PCED1B: variants seen among roughly 807,000 people sequenced by gnomAD.
PCED1B encodes the protein PC-esterase domain-containing protein 1B.
For missense variants in PCED1B, 573 were observed against 573.9 expected (o/e 1.00, Z 0.02); for synonymous variants, 251 against 246.1 (o/e 1.02, Z -0.19).
intron 2 of PCED1B, among the ~76,000 whole-genome samples, chr12:47,119,822 AGGCATGGT>A (rs1319795402): frequency 6.6e-6 from 1 of 151,704 alleles, no homozygotes; most frequent in Non-Finnish European, 1.5e-5. Flanking sequence ...AAAATTAGCC[AGGCATGGT>A]GGCAGGTGCC....
At chr12:47,144,945 A>G (rs1426917502) in intron 2 of PCED1B, among the ~76,000 whole-genome samples, 1 of 152,242 alleles carries the variant, frequency 6.6e-6, no homozygotes, top group African/African-American at 2.4e-5. Context: ...ACTTCAAAAC[A>G]AAAGCTAGGA....
chr12:47,188,381 ATCT>A (rs1366478086), intron 2 of PCED1B, among the ~76,000 whole-genome samples: 1 of 152,156 alleles, frequency 6.6e-6, no homozygotes, highest in Non-Finnish European at 1.5e-5. Flanking sequence ...TTAGCTGCAA[ATCT>A]TCCTGGCCTA....
intron 1 of PCED1B, among the ~76,000 whole-genome samples, chr12:47,080,991 A>T (rs550550687): frequency 6.6e-6 from 1 of 152,314 alleles, no homozygotes; most frequent in East Asian, 1.9e-4. Flanking sequence ...GCTTTGGTTC[A>T]GCAAGCACAG....
chr12:47,214,006 C>G (rs1014195269), intron 2 of PCED1B, among the ~76,000 whole-genome samples: 2 of 152,152 alleles, frequency 1.3e-5, no homozygotes, highest in Admixed American at 1.3e-4. Context: ...ATCTACAGAA[C>G]TAGAAAGATT....
chr12:47,148,935 G>A (rs1260698266), intron 2 of PCED1B, among the ~76,000 whole-genome samples: 2 of 152,104 alleles, frequency 1.3e-5, no homozygotes, highest in African/African-American at 4.8e-5. Context: ...AGCACCTTCT[G>A]TCCCGTTTTT....
At chr12:47,094,847 C>A (rs1476224750) in intron 1 of PCED1B, among the ~76,000 whole-genome samples, 1 of 151,640 alleles carries the variant, frequency 6.6e-6, no homozygotes, top group Non-Finnish European at 1.5e-5. Context: ...TTATTCCTTC[C>A]TTCATTTCCA....
At chr12:47,211,026 T>C (rs927632128) in intron 2 of PCED1B, among the ~76,000 whole-genome samples, 4 of 152,188 alleles carry the variant, frequency 2.6e-5, no homozygotes, top group African/African-American at 9.7e-5. Flanking sequence ...TAAAAGAATA[T>C]GACTAGAAGC....
chr12:47,195,322 C>T (rs1357606607), intron 2 of PCED1B, among the ~76,000 whole-genome samples: 1 of 122,044 alleles, frequency 8.2e-6, no homozygotes, highest in African/African-American at 3.2e-5. Flanking sequence ...GAGCGAGTCT[C>T]TGTCTCAAAA....
chr12:47,226,556 G>T (rs905323742), intron 3 of PCED1B, among the ~76,000 whole-genome samples: 10 of 152,222 alleles, frequency 6.6e-5, no homozygotes, highest in African/African-American at 2.2e-4. Flanking sequence ...TATATTTTTG[G>T]TAGACACGGG....
intron 2 of PCED1B, among the ~76,000 whole-genome samples, chr12:47,131,670 C>A (rs900685619): frequency 8.7e-6 from 1 of 115,330 alleles, no homozygotes; most frequent in South Asian, 2.6e-4. Context: ...TCATGTTTTA[C>A]TTCTTTTTTT....
chr12:47,219,035 G>A (rs1336543214), intron 3 of PCED1B, among the ~76,000 whole-genome samples: 2 of 152,034 alleles, frequency 1.3e-5, no homozygotes, highest in African/African-American at 4.8e-5. Context: ...CAGCTATTCC[G>A]GAGACTGAGG....
intron 2 of PCED1B, among the ~76,000 whole-genome samples, chr12:47,152,175 TAG>T (rs1941017812): frequency 6.6e-6 from 1 of 152,144 alleles, no homozygotes; most frequent in Non-Finnish European, 1.5e-5. Flanking sequence ...TGATGAGAAA[TAG>T]GATATTTGCA....
chr12:47,080,981 G>A (rs1174507260), intron 1 of PCED1B, among the ~76,000 whole-genome samples: 1 of 152,178 alleles, frequency 6.6e-6, no homozygotes, highest in Non-Finnish European at 1.5e-5. Flanking sequence ...CGACCAGCGC[G>A]CTTTGGTTCA....
chr12:47,139,887 G>A (rs1348236727), intron 2 of PCED1B, among the ~76,000 whole-genome samples: 5 of 152,040 alleles, frequency 3.3e-5, no homozygotes, highest in Non-Finnish European at 7.4e-5. Context: ...ATGTATCTGT[G>A]TGGTGTGGTA....
chr12:47,104,913 C>G (rs748846501), intron 2 of PCED1B, among the ~76,000 whole-genome samples: 2 of 152,168 alleles, frequency 1.3e-5, no homozygotes, highest in African/African-American at 2.4e-5. Context: ...CGGCTCGCCC[C>G]GGGCTTCCCC....
intron 1 of PCED1B, among the ~76,000 whole-genome samples, chr12:47,088,581 A>C (rs567864083): frequency 2.6e-5 from 4 of 152,216 alleles, no homozygotes; most frequent in Non-Finnish European, 5.9e-5. Context: ...ATGGAAAGCA[A>C]AATAAATAAA....
chr12:47,148,611 A>T lies in PCED1B; in HGVS notation c.-526+44416A>T, dbSNP rs1021067814. On this transcript the variant is annotated intron_variant, in intron 2 of 3. Coordinates refer to ENST00000546455, the MANE Select transcript of PCED1B (RefSeq NM_138371.3). Reference sequence around the variant, plus strand: ...TGTTGCTTCACTTTTCTGGAGTTAAATGACTCCTAGGAGAAAAAAACAAAG... The same window carrying T: ...TGTTGCTTCACTTTTCTGGAGTTAATTGACTCCTAGGAGAAAAAAACAAAG... Among the ~76,000 whole-genome samples, 81 of 152,210 alleles carry T rather than the reference A, an allele frequency of 5.3e-4. 2 individuals carry two copies. The highest frequency in any genetic ancestry group is 1.5e-5 in the Non-Finnish European group (1 of 68,036).
intron 2 of PCED1B, among the ~76,000 whole-genome samples, chr12:47,117,710 C>G (rs937872643): frequency 1.3e-5 from 2 of 152,134 alleles, no homozygotes; most frequent in Non-Finnish European, 2.9e-5. Context: ...TGGGTATATA[C>G]CCAGTAATGG....
chr12:47,224,763 T>C (rs369806172), intron 3 of PCED1B, among the ~76,000 whole-genome samples: 1 of 152,306 alleles, frequency 6.6e-6, no homozygotes, highest in African/African-American at 2.4e-5. Context: ...GAGCCAAATG[T>C]GCAGTAACAG....
Sources: allele counts gnomAD v4.1 joint callset (sites outside exome capture counted in the v4.1 genomes callset), GRCh38; gene constraint gnomAD v4.1.1; transcripts MANE v1.5; gene names NCBI Gene and HGNC (gene_info 2026-07-23, HGNC 2026-07-21).